The following GALNT13 variants were observed in gnomAD, a reference collection of about 807,000 sequenced individuals.
GALNT13 encodes the protein UDP-GalNAc:polypeptide N-acetylgalactosaminyltransferase 13.
Under a neutral mutation model 64.2 loss-of-function variants are expected in GALNT13, and 28 were observed. The ratio of observed to expected loss-of-function variants is 0.44; its 90% CI spans 0.32 to 0.60. The LOEUF is 0.60. GALNT13 is among the 20% of genes least tolerant of loss of function. GALNT13 has a pLI of 0.05. For missense variants in GALNT13, 577 were observed against 669.8 expected (o/e 0.86, Z 1.53); for synonymous variants, 214 against 224.6 (o/e 0.95, Z 0.42).
the GALNT13 span, among the ~76,000 whole-genome samples, chr2:153,080,200 T>G: frequency 6.6e-6 from 1 of 152,144 alleles, no homozygotes; most frequent in Non-Finnish European, 1.5e-5. Context: ...ATTCATTTTT[T>G]TCTAAAAAAT....
chr2:153,440,667 A>G, the GALNT13 span, among the ~76,000 whole-genome samples: 2 of 152,108 alleles, frequency 1.3e-5, no homozygotes, highest in Non-Finnish European at 2.9e-5. Context: ...ATGGTATCTC[A>G]TTGTGGTTTT....
chr2:153,112,642 C>A, the GALNT13 span, among the ~76,000 whole-genome samples: 1 of 152,016 alleles, frequency 6.6e-6, no homozygotes, highest in Non-Finnish European at 1.5e-5. Context: ...TAAATAAGCA[C>A]CAGAATTTTG....
chr2:154,272,541 C>T (rs1691410213), intron 8 of GALNT13, among the ~76,000 whole-genome samples: 1 of 151,990 alleles, frequency 6.6e-6, no homozygotes, highest in Non-Finnish European at 1.5e-5. Context: ...TGATCCCAAA[C>T]ATAAAGGACT....
chr2:153,852,569 A>C, the GALNT13 span, among the ~76,000 whole-genome samples: 1 of 152,240 alleles, frequency 6.6e-6, no homozygotes, highest in African/African-American at 2.4e-5. Flanking sequence ...TGTATATTTC[A>C]ATAATGCTCT....
chr2:153,689,058 A>G, the GALNT13 span, among the ~76,000 whole-genome samples: 1 of 93,474 alleles, frequency 1.1e-5, no homozygotes, highest in Non-Finnish European at 2.3e-5. Context: ...GATATTGCTA[A>G]ACCGCGTGTG....
intron 3 of GALNT13, among the ~76,000 whole-genome samples, chr2:154,099,563 C>T (rs1417066609): frequency 6.6e-6 from 1 of 152,012 alleles, no homozygotes; most frequent in Non-Finnish European, 1.5e-5. Context: ...TACCATTAAG[C>T]CCTTAATCCA....
chr2:154,018,587 G>A (rs904656308), intron 3 of GALNT13, among the ~76,000 whole-genome samples: 1 of 151,962 alleles, frequency 6.6e-6, no homozygotes, highest in African/African-American at 2.4e-5. Context: ...TGATGCAAAA[G>A]GTGAGGGGAT....
chr2:153,694,790 C>T, the GALNT13 span, among the ~76,000 whole-genome samples: 2 of 152,126 alleles, frequency 1.3e-5, no homozygotes, highest in East Asian at 1.9e-4. Context: ...CTGTTCTCCA[C>T]TTCTATGTGA....
In GALNT13 at chr2:154,409,012, T is replaced by G; in HGVS notation, c.1325T>G (p.Leu442Ter). Residue 442 changes from leucine to a stop codon, truncating the protein, a stop_gained, in exon 11 of 13, where the codon TTA becomes TGA. Coordinates refer to ENST00000392825, the MANE Select transcript of GALNT13 (RefSeq NM_052917.4). LOFTEE classifies it high-confidence loss of function. The stretch of plus-strand genomic sequence containing the variant: ...AGAAATGTTGAAACCAATCAGTGTT[T>G]AGACAACATGGGCCGCAAGGAAAAT... ...EIRNVETNQC[L>*]DNMGRKENEK... The G allele has an allele frequency of 1.9e-6, 3 of 1,611,098 alleles. No individual in the cohort carries two copies. Among genetic ancestry groups the G allele is most frequent in the Non-Finnish European group, 8.5e-7 (1 of 1,177,820 alleles).
At chr2:153,601,317 A>G in the GALNT13 span, among the ~76,000 whole-genome samples, 2 of 151,746 alleles carry the variant, frequency 1.3e-5, no homozygotes, top group South Asian at 2.1e-4. Context: ...ACTAGTAATG[A>G]TGGCAAAATA....
the GALNT13 span, among the ~76,000 whole-genome samples, chr2:153,522,390 T>C: frequency 6.6e-6 from 1 of 151,474 alleles, no homozygotes; most frequent in East Asian, 2.0e-4. Flanking sequence ...GTGTGAGAAG[T>C]GAGGCACAAA....
chr2:153,871,421 G>T (rs1014074474), upstream of GALNT13, among the ~76,000 whole-genome samples: 1 of 152,108 alleles, frequency 6.6e-6, no homozygotes, highest in Non-Finnish European at 1.5e-5. Context: ...GCGCCGAAGC[G>T]TCAAGTACCC....
intron 4 of GALNT13, among the ~76,000 whole-genome samples, chr2:154,189,807 AT>A (rs557851338): frequency 6.6e-6 from 1 of 152,106 alleles, no homozygotes; most frequent in Non-Finnish European, 1.5e-5. Flanking sequence ...ATAAGAATGG[AT>A]TAGTAATAAG....
At chr2:153,973,598 TCTTTTTTTTGTGC>T (rs1410919420) in intron 3 of GALNT13, among the ~76,000 whole-genome samples, 3 of 151,992 alleles carry the variant, frequency 2.0e-5, no homozygotes, top group African/African-American at 7.2e-5. Flanking sequence ...TTTCTTTTTT[TCTTTTTTTTGTGC>T]CTTACTGACA....
intron 10 of GALNT13, among the ~76,000 whole-genome samples, chr2:154,406,077 C>G (rs1413477958): frequency 2.6e-5 from 4 of 152,096 alleles, no homozygotes; most frequent in African/African-American, 9.7e-5. Context: ...TATCAACATG[C>G]AAGAACTCAA....
At chr2:153,556,911 T>C in the GALNT13 span, among the ~76,000 whole-genome samples, 1 of 152,236 alleles carries the variant, frequency 6.6e-6, no homozygotes, top group Admixed American at 6.5e-5. Context: ...TTGTGCTACA[T>C]ATTTTTACAT....
chr2:154,050,788 ACACT>A (rs1699562119), intron 3 of GALNT13, among the ~76,000 whole-genome samples: 1 of 152,164 alleles, frequency 6.6e-6, no homozygotes, highest in African/African-American at 2.4e-5. Flanking sequence ...CTTTTTCTAC[ACACT>A]CACCATCTTC....
the GALNT13 span, among the ~76,000 whole-genome samples, chr2:153,275,040 G>A: frequency 1.1e-4 from 16 of 152,240 alleles, no homozygotes; most frequent in African/African-American, 3.9e-4. Context: ...ATTGTAATAT[G>A]TGAATACCTG....
At chr2:153,957,632 C>A (rs1692657174) in intron 3 of GALNT13, among the ~76,000 whole-genome samples, 1 of 152,210 alleles carries the variant, frequency 6.6e-6, no homozygotes, top group African/African-American at 2.4e-5. Context: ...CAGGGGCAGG[C>A]AAGTTGGGGG....
Sources: gnomAD v4.1 joint callset for allele counts (sites outside exome capture counted in the v4.1 genomes callset) on GRCh38, gnomAD v4.1.1 for gene constraint, MANE v1.5 for transcripts, NCBI Gene and HGNC (gene_info 2026-07-23, HGNC 2026-07-21) for gene names.